Variants in AUTS2 observed in about 807,000 individuals in gnomAD.
AUTS2 encodes the protein autism susceptibility gene 2 protein.
A neutral mutation model predicts 112.4 loss-of-function variants in AUTS2; 17 were observed. The observed-to-expected ratio is 0.15, with a 90% CI of 0.10 to 0.23. The LOEUF (loss-of-function observed/expected upper bound fraction) is 0.23, where lower values mean the gene tolerates loss of function less well. Among genes scored for constraint, AUTS2 ranks in the 10% least tolerant of loss-of-function variants. The probability of loss-of-function intolerance (pLI) is 1.00; values close to 1 mark genes in which losing one functional copy is unlikely to be tolerated. For missense variants in AUTS2, 1,510 were observed against 1,701.6 expected, an observed-to-expected ratio of 0.89 and a Z score of 1.98; for synonymous variants, 751 against 702.7, an observed-to-expected ratio of 1.07 and a Z score of -1.09.
intron 5 of AUTS2, among the ~76,000 whole-genome samples, chr7:70,681,314 G>A (rs370106264): frequency 2.6e-5 from 4 of 152,100 alleles, no homozygotes; most frequent in East Asian, 1.9e-4. Context: ...CCTGCCTCCC[G>A]CTCCCCGAGG....
intron 1 of AUTS2, among the ~76,000 whole-genome samples, chr7:69,781,637 A>G (rs1005085177): frequency 1.3e-5 from 2 of 152,252 alleles, no homozygotes; most frequent in African/African-American, 2.4e-5. Context: ...AGGCATCTCT[A>G]TTAGAGTCTT....
chr7:69,857,411 C>T (rs1404948958), intron 1 of AUTS2, among the ~76,000 whole-genome samples: 3 of 152,186 alleles, frequency 2.0e-5, no homozygotes, highest in African/African-American at 7.2e-5. Context: ...AATTCTCCCT[C>T]AAAGGTCTGG....
intron 5 of AUTS2, among the ~76,000 whole-genome samples, chr7:70,511,285 A>C (rs1311583958): frequency 1.3e-5 from 2 of 152,178 alleles, no homozygotes; most frequent in Non-Finnish European, 2.9e-5. Flanking sequence ...ACCAAACATC[A>C]GATTTCCAGA....
At chr7:70,004,467 A>G (rs1308968733) in intron 2 of AUTS2, among the ~76,000 whole-genome samples, 1 of 145,704 alleles carries the variant, frequency 6.9e-6, no homozygotes, top group Non-Finnish European at 1.5e-5. Context: ...GAGATTCAGA[A>G]CTAATAAAAG....
intron 1 of AUTS2, among the ~76,000 whole-genome samples, chr7:69,822,278 A>AT (rs917251710): frequency 3.9e-5 from 6 of 152,306 alleles, no homozygotes; most frequent in African/African-American, 1.4e-4. Flanking sequence ...ACAGAGATTG[A>AT]TTTTTATAGA....
rs150873004 is a variant in AUTS2 at position 69,854,022 on chromosome 7, C to T, written c.310-45264C>T. On this transcript the variant is annotated intron_variant, in intron 1 of 18. Coordinates refer to ENST00000342771, the MANE Select transcript of AUTS2 (RefSeq NM_015570.4). ...TCCCTTATAGGAATGAAAATTTATA[C>T]GTGTACTCTTTCTTTCTCTTTGACA... Among the ~76,000 whole-genome samples, 596 of 152,236 alleles carry T rather than the reference C, an allele frequency of 3.9e-3. 4 individuals carry two copies. The highest frequency in any genetic ancestry group is 0.011 in the South Asian group (54 of 4,826).
intron 1 of AUTS2, among the ~76,000 whole-genome samples, chr7:69,865,574 T>TC (rs1793185513): frequency 6.6e-6 from 1 of 152,202 alleles, no homozygotes; most frequent in South Asian, 2.1e-4. Flanking sequence ...CTGATGTTGG[T>TC]TAAGGGTTAA....
intron 13 of AUTS2, 144 bp from the exon 14 acceptor site, chr7:70,776,959 T>TGG (rs970834802): frequency 1.4e-6 from 1 of 732,272 alleles, no homozygotes; most frequent in Non-Finnish European, 2.4e-6. Context: ...GAGCTACTGA[T>TGG]GGAAGGCACT....
At chr7:69,884,910 G>T (rs904171383) in intron 1 of AUTS2, among the ~76,000 whole-genome samples, 18 of 152,226 alleles carry the variant, frequency 1.2e-4, no homozygotes, top group Non-Finnish European at 2.6e-4. Context: ...CAGGTCAGTG[G>T]GTATATCTTA....
chr7:70,462,397 C>G (rs1281819063), intron 5 of AUTS2, among the ~76,000 whole-genome samples: 1 of 152,042 alleles, frequency 6.6e-6, no homozygotes, highest in African/African-American at 2.4e-5. Flanking sequence ...CATGATAAAG[C>G]AAGTGTAGTA....
chr7:69,890,245 CAG>C (rs1215330177), intron 1 of AUTS2, among the ~76,000 whole-genome samples: 1 of 152,150 alleles, frequency 6.6e-6, no homozygotes, highest in African/African-American at 2.4e-5. Context: ...TTTCAATTCA[CAG>C]AGTGTGCAAA....
At chr7:70,496,403 A>G in intron 5 of AUTS2, among the ~76,000 whole-genome samples, 2 of 136,414 alleles carry the variant, frequency 1.5e-5, no homozygotes, top group African/African-American at 2.8e-5. Context: ...GTACACAGTC[A>G]CACACACACC....
At chr7:70,103,688 C>T (rs777258033) in intron 2 of AUTS2, among the ~76,000 whole-genome samples, 29 of 151,762 alleles carry the variant, frequency 1.9e-4, no homozygotes, top group Non-Finnish European at 2.6e-4. Flanking sequence ...GGGTAGATCA[C>T]GAGGTCAGGA....
chr7:70,111,606 T>C (rs1246216059), intron 2 of AUTS2, among the ~76,000 whole-genome samples: 2 of 152,180 alleles, frequency 1.3e-5, no homozygotes, highest in African/African-American at 2.4e-5. Context: ...GGCTATACTT[T>C]AATATATTAT....
intron 4 of AUTS2, among the ~76,000 whole-genome samples, chr7:70,433,265 C>G (rs1795750218): frequency 6.6e-6 from 1 of 152,196 alleles, no homozygotes; most frequent in Admixed American, 6.5e-5. Context: ...CTCGTCCTCC[C>G]TGCACACCAG....
chr7:70,050,279 T>A (rs1584638139), intron 2 of AUTS2, among the ~76,000 whole-genome samples: 1 of 133,134 alleles, frequency 7.5e-6, no homozygotes, highest in Non-Finnish European at 1.5e-5. Flanking sequence ...ATCGCTTGAA[T>A]CCATGAGGTG....
intron 18 of AUTS2, among the ~76,000 whole-genome samples, chr7:70,788,187 G>T (rs1207185639): frequency 6.6e-6 from 1 of 152,020 alleles, no homozygotes; most frequent in Non-Finnish European, 1.5e-5. Flanking sequence ...AACTGATAAG[G>T]AATGCACAAA....
intron 4 of AUTS2, among the ~76,000 whole-genome samples, chr7:70,270,568 C>A (rs971976857): frequency 1.6e-4 from 24 of 152,086 alleles, no homozygotes; most frequent in Non-Finnish European, 3.4e-4. Flanking sequence ...TGTGGGCATG[C>A]AGGACCCTTT....
chr7:70,607,342 A>G (rs549682121), intron 5 of AUTS2, among the ~76,000 whole-genome samples: 138 of 152,242 alleles, frequency 9.1e-4, no homozygotes, highest in Non-Finnish European at 1.8e-3. Flanking sequence ...GCCTCTGGGC[A>G]GAATCCATTG....
Sources: gnomAD v4.1 joint callset for allele counts (sites outside exome capture counted in the v4.1 genomes callset) on GRCh38, gnomAD v4.1.1 for gene constraint, MANE v1.5 for transcripts, NCBI Gene and HGNC (gene_info 2026-07-23, HGNC 2026-07-21) for gene names.